The following MBP variants were observed in gnomAD, a reference collection of about 807,000 sequenced individuals.
The protein encoded by MBP is myelin basic protein.
In MBP, 16 loss-of-function variants were observed where a neutral mutation model predicts 35.8. That is an observed-to-expected ratio of 0.45 (90% confidence interval 0.30 to 0.68). The LOEUF (loss-of-function observed/expected upper bound fraction) is 0.68, where lower values mean the gene tolerates loss of function less well. Among genes scored for constraint, MBP ranks in the 30% least tolerant of loss-of-function variants. The pLI, the probability that MBP is intolerant of heterozygous loss-of-function variation, is 0.08. For synonymous variants in MBP, 143 were observed against 159.6 expected (o/e 0.90, Z 0.78); for missense variants, 380 against 404.7 (o/e 0.94, Z 0.52).
At chr18:76,983,581 G>A (rs1969344892) in intron 8 of MBP, 1 of 152,194 alleles carries the variant, frequency 6.6e-6, no homozygotes, top group Non-Finnish European at 1.5e-5. Context: ...GTTGAGGAGT[G>A]GATCCTGCCT....
intron 4 of MBP, chr18:77,014,382 C>A: frequency 1.0e-6 from 1 of 985,408 alleles, no homozygotes; most frequent in African/African-American, 1.7e-5. Context: ...CAGAGTCTGG[C>A]AGGAATCTGC....
intron 4 of MBP, among the ~76,000 whole-genome samples, chr18:76,997,864 A>G (rs1197116344): frequency 6.6e-6 from 1 of 152,006 alleles, no homozygotes; most frequent in Non-Finnish European, 1.5e-5. Context: ...TTGTATTTTT[A>G]GTAGAGACGG....
At chr18:77,023,877 A>T (rs746194456) in intron 3 of MBP, among the ~76,000 whole-genome samples, 3 of 152,116 alleles carry the variant, frequency 2.0e-5, no homozygotes, top group Non-Finnish European at 4.4e-5. Flanking sequence ...CTCTCCAGTC[A>T]AGTGACCTCC....
At chr18:76,995,905 A>G (rs1314984063) in intron 4 of MBP, among the ~76,000 whole-genome samples, 1 of 152,210 alleles carries the variant, frequency 6.6e-6, no homozygotes, top group South Asian at 2.1e-4. Flanking sequence ...AAGACAAGCT[A>G]CAGACAGGGA....
At position 77,102,183 on chromosome 18, in the gene MBP, T is replaced by C. The variant is rs1976052054; in HGVS notation, c.51+3028A>G. Among the ~76,000 whole-genome samples the C allele has an allele frequency of 6.6e-6, 1 of 152,062 alleles. No individual in the cohort carries two copies. The highest frequency in any genetic ancestry group is 1.5e-5 in the Non-Finnish European group (1 of 67,992). Reference sequence around the variant, plus strand: ...GGGAAGGAGGGGGCCCTCAGCAGCCTGGGCCGGGCAGTGGGGCAGAGGCAG... The same window carrying C: ...GGGAAGGAGGGGGCCCTCAGCAGCCCGGGCCGGGCAGTGGGGCAGAGGCAG... On this transcript the variant is annotated intron_variant, in intron 2 of 8. Coordinates refer to ENST00000355994, the MANE Select transcript of MBP (RefSeq NM_001025101.2). This position sits in a 1 kb window ranked among gnomAD's most constrained non-coding sequence, Gnocchi z 4.4.
chr18:76,992,928 G>C (rs533937714), intron 4 of MBP, among the ~76,000 whole-genome samples: 7 of 152,336 alleles, frequency 4.6e-5, no homozygotes, highest in Admixed American at 2.6e-4. Flanking sequence ...CCTGGGCCTT[G>C]TGCAGGGTCC....
At chr18:77,018,139 G>T (rs980025727) in intron 3 of MBP, among the ~76,000 whole-genome samples, 1 of 151,498 alleles carries the variant, frequency 6.6e-6, no homozygotes, top group African/African-American at 2.4e-5. Context: ...CCACATAACA[G>T]TCCATTTACC....
At position 77,044,686 on chromosome 18, in the gene MBP, C is replaced by T. The variant is rs776082912; in HGVS notation, c.139+21612G>A. On this transcript the variant is annotated intron_variant, in intron 3 of 8. Coordinates refer to ENST00000355994, the MANE Select transcript of MBP (RefSeq NM_001025101.2). The surrounding 1 kb of genome is among the most constrained non-coding windows in gnomAD (Gnocchi z 4.4). Reference sequence around the variant, plus strand: ...CGAGGGGCCCCGGAATCACCTGCCACGTGAATAAACAAAGTCAGATCTGAA... The same window carrying T: ...CGAGGGGCCCCGGAATCACCTGCCATGTGAATAAACAAAGTCAGATCTGAA... Among the ~76,000 whole-genome samples the T allele has an allele frequency of 6.6e-6, 1 of 151,968 alleles. No homozygotes were observed. Among genetic ancestry groups the T allele is most frequent in the African/African-American group, 2.4e-5 (1 of 41,360 alleles).
At chr18:77,124,761 A>G (rs1976996666) in intron 1 of MBP, among the ~76,000 whole-genome samples, 1 of 152,158 alleles carries the variant, frequency 6.6e-6, no homozygotes, top group South Asian at 2.1e-4. Context: ...AGTGACAGGA[A>G]GTGGGGCCCT....
At chr18:77,069,572 T>A (rs1212532514) in intron 2 of MBP, among the ~76,000 whole-genome samples, 1 of 151,824 alleles carries the variant, frequency 6.6e-6, no homozygotes, top group Non-Finnish European at 1.5e-5. Flanking sequence ...CACCGGAGAG[T>A]AGAACAATGC....
At position 77,063,918 on chromosome 18, in the gene MBP, GTGTGTA is replaced by G. The variant is rs774337101; in HGVS notation, c.139+2374_139+2379del. ...CATATGTGTGTGTGTGTGTGTGTGTGTGTGTATGTGTGTATTTGATGGTAACAGAAC... is the reference window on the plus strand; with the variant it reads ...CATATGTGTGTGTGTGTGTGTGTGTGTGTGTGTATTTGATGGTAACAGAAC... On this transcript the variant is annotated intron_variant, in intron 3 of 8. Coordinates refer to ENST00000355994, the MANE Select transcript of MBP (RefSeq NM_001025101.2). Among the ~76,000 whole-genome samples, 1,487 of 148,774 alleles carry G rather than the reference GTGTGTA, an allele frequency of 1.0e-2. 19 individuals carry two copies. The highest frequency in any genetic ancestry group is 0.016 in the Non-Finnish European group (1,038 of 66,164).
intron 3 of MBP, among the ~76,000 whole-genome samples, chr18:77,029,787 C>CACAA (rs1555717319): frequency 8.5e-6 from 1 of 117,984 alleles, no homozygotes; most frequent in Non-Finnish European, 2.1e-5. Context: ...CACACACACA[C>CACAA]ACACAAACAC....
chr18:77,032,454 A>T (rs901058165), intron 3 of MBP, among the ~76,000 whole-genome samples: 1 of 149,902 alleles, frequency 6.7e-6, no homozygotes, highest in African/African-American at 2.4e-5. Context: ...TTTGCTCCAC[A>T]TAGCTCACCC....
At chr18:77,081,841 C>T (rs866322763) in intron 2 of MBP, among the ~76,000 whole-genome samples, 27 of 41,038 alleles carry the variant, frequency 6.6e-4, no homozygotes, top group Non-Finnish European at 7.7e-4. Flanking sequence ...CACACACACA[C>T]ATATATATAT....
At position 77,020,126 on chromosome 18, in the gene MBP, T is replaced by C. The variant is rs1971933781; in HGVS notation, c.140-2858A>G. Among the ~76,000 whole-genome samples, 1 of 151,930 alleles carries C rather than the reference T, an allele frequency of 6.6e-6. No individual in the cohort carries two copies. The highest frequency in any genetic ancestry group is 1.5e-5 in the Non-Finnish European group (1 of 67,966). ...CTAGTGGACGGCCTCTGTGGAGGGA[T>C]ATGATGGAGATGGTGGTACCCAGAG... On this transcript the variant is annotated intron_variant, in intron 3 of 8. Transcript: ENST00000355994. This position sits in a 1 kb window ranked among gnomAD's most constrained non-coding sequence, Gnocchi z 4.1.
rs928280881 is a variant in MBP, at chr18:76,987,614, A to G, written c.750+881T>C. Reference sequence around the variant, plus strand: ...GTATTCATTCATTTATATGATGCTTATTAATTGAGCAGAAAGTGTAGGTAG... The same window carrying G: ...GTATTCATTCATTTATATGATGCTTGTTAATTGAGCAGAAAGTGTAGGTAG... On this transcript the variant is annotated intron_variant, in intron 7 of 8. Transcript: ENST00000355994. The G allele has an allele frequency of 3.0e-6, 3 of 985,364 alleles. No homozygotes were observed. In the African/African-American group the frequency reaches 5.2e-5, roughly 17 times the overall value. 61.0% of individuals were successfully genotyped at this position (985,364 alleles called of 1,614,324 possible). A position where few individuals can be genotyped will look rare whatever the true frequency, so the allele number is the denominator to read the frequency against.
chr18:76,996,543 A>G (rs1236135567), intron 4 of MBP, among the ~76,000 whole-genome samples: 3 of 152,214 alleles, frequency 2.0e-5, no homozygotes, highest in African/African-American at 4.8e-5. Flanking sequence ...GTTCGGCAAT[A>G]AAAATACAAA....
intron 1 of MBP, among the ~76,000 whole-genome samples, chr18:77,117,351 G>GA (rs1200491733): frequency 6.6e-6 from 1 of 152,118 alleles, no homozygotes; most frequent in African/African-American, 2.4e-5. Flanking sequence ...TGAACTTTTC[G>GA]AGTGTTTTCT....
chr18:77,032,696 A>G (rs1972588711), intron 3 of MBP, among the ~76,000 whole-genome samples: 2 of 152,246 alleles, frequency 1.3e-5, no homozygotes, highest in South Asian at 2.1e-4. Flanking sequence ...AAAGAGCCCA[A>G]TATTCATGTA....
Sources: gnomAD v4.1 joint callset for allele counts (sites outside exome capture counted in the v4.1 genomes callset) on GRCh38, gnomAD v4.1.1 for gene constraint, Gnocchi (gnomAD v3.1) non-coding constraint, MANE v1.5 for transcripts, NCBI Gene and HGNC (gene_info 2026-07-23, HGNC 2026-07-21) for gene names.